The following SPATA22 variants were observed in gnomAD, a reference collection of about 807,000 sequenced individuals.
The protein encoded by SPATA22 is spermatogenesis associated 22.
SPATA22 carries 29 observed loss-of-function variants against 47.8 expected under a neutral mutation model. The observed-to-expected ratio is 0.61, with a 90% CI of 0.45 to 0.83. The LOEUF is 0.83. SPATA22 is among the 40% of genes least tolerant of loss of function. SPATA22 has a pLI of 0.00. For synonymous variants in SPATA22, 133 were observed against 140.9 expected (o/e 0.94, Z 0.40); for missense variants, 410 against 421.7 (o/e 0.97, Z 0.24).
chr17:3,458,936 TAAAG>T (rs1204409680), intron 5 of SPATA22, among the ~76,000 whole-genome samples: 1 of 143,368 alleles, frequency 7.0e-6, no homozygotes, highest in Admixed American at 7.0e-5. Flanking sequence ...AAATGTATCA[TAAAG>T]AGATAACGGA....
Position 3,440,319 on chromosome 17 carries a change from A to G in SPATA22, c.920T>C (p.Leu307Pro). Residue 307 changes from leucine (L) to proline (P), a missense_variant, in exon 9 of 9, where the codon CTG (leucine) becomes CCG (proline). By Grantham distance (98) the Leu-to-Pro change is moderately conservative (BLOSUM62 -3). Coordinates refer to ENST00000572969, the MANE Select transcript of SPATA22 (RefSeq NM_001170698.2). ...FYEIDRELPR[L>P]IRGRVHRCVG... ...ACATCTATGAACTCGGCCTCTAATC[A>G]GTCTCGGAAGTTCACGATCCTGTTT... 2 of 1,525,186 alleles carry G rather than the reference A, an allele frequency of 1.3e-6. No homozygotes were observed. Among genetic ancestry groups the G allele is most frequent in the Non-Finnish European group, 1.8e-6 (2 of 1,132,796 alleles). The allele number at this position is 1,525,186 out of a possible 1,614,324, so 94.5% of individuals were successfully genotyped here.
intron 6 of SPATA22, among the ~76,000 whole-genome samples, chr17:3,447,450 T>TGAC (rs955200025): frequency 1.1e-4 from 11 of 98,566 alleles, no homozygotes; most frequent in African/African-American, 3.1e-4. Context: ...TGCCTCCTGT[T>TGAC]GATGATGGCC....
chr17:3,449,182 T>A lies in SPATA22; in HGVS notation c.330-33A>T, dbSNP rs2072800279. ...AGTGCAAAAAAAAAGCATTTGTTTCTATATGGTTTCTTAATTACAAAAAAA... is the reference window on the plus strand; with the variant it reads ...AGTGCAAAAAAAAAGCATTTGTTTCAATATGGTTTCTTAATTACAAAAAAA... On this transcript the variant is annotated intron_variant, in intron 5 of 8. Transcript: ENST00000572969. The A allele has an allele frequency of 2.1e-6, 3 of 1,444,128 alleles. No individual in the cohort carries two copies. The East Asian group carries it at 7.0e-5, about 34-fold the overall frequency. 89.5% of individuals were successfully genotyped at this position (1,444,128 alleles called of 1,614,324 possible).
intron 1 of SPATA22, among the ~76,000 whole-genome samples, chr17:3,492,502 T>A (rs560781882): frequency 7.9e-5 from 12 of 152,222 alleles, no homozygotes; most frequent in Non-Finnish European, 1.2e-4. Context: ...CAGTGTGATG[T>A]TTCATATCCT....
chr17:3,448,987 A>G lies in SPATA22; in HGVS notation c.492T>C (p.Pro164=). ...CGGTTTCTTTGTTGCGAGATAAGTT[A>G]GGAGGTTCAGGTATTCTTAATTGTT... ...QQKQLRIPEP[P]NLSRNKETEL... is the part of the protein sequence containing the mutation. Residue 164 remains proline, a synonymous_variant, in exon 6 of 9, where the codon CCT becomes CCC. Transcript: ENST00000572969. 1 of 1,614,040 alleles carries G rather than the reference A, an allele frequency of 6.2e-7. No homozygotes were observed. Among genetic ancestry groups the G allele is most frequent in the East Asian group, 2.2e-5 (1 of 44,850 alleles).
chr17:3,513,041 A>G (rs190173726), intron 1 of SPATA22: 1 of 152,492 alleles, frequency 6.6e-6, no homozygotes, highest in African/African-American at 2.4e-5. Flanking sequence ...GCGGCGGCCC[A>G]GCAGGACTTG....
intron 5 of SPATA22, among the ~76,000 whole-genome samples, chr17:3,450,478 A>C (rs1281841608): frequency 6.6e-6 from 1 of 152,158 alleles, no homozygotes; most frequent in Admixed American, 6.5e-5. Flanking sequence ...CCTTTATAGA[A>C]ATTTTTTCCT....
At position 3,485,438 on chromosome 17, in the gene SPATA22, C is replaced by T. The variant is rs142959729; in HGVS notation, c.-73-16040G>A. 5.8e-4 allele frequency among the ~76,000 whole-genome samples: 89 copies of T among 152,200 alleles called. 2 individuals are homozygous for T. Among genetic ancestry groups the T allele is most frequent in the Middle Eastern group, 3.4e-3 (1 of 294 alleles). ...CCAACCAGGAGAATCGCTTGAACCC[C>T]GGAGGTGGAGGTTGCAGTGAGCCGA... On this transcript the variant is annotated intron_variant, in intron 1 of 8. Transcript: ENST00000541913. This position sits in a 1 kb window ranked among gnomAD's most constrained non-coding sequence, Gnocchi z 4.4.
chr17:3,476,408 T>G (rs1331166050), upstream of SPATA22: 4 of 1,609,240 alleles, frequency 2.5e-6, no homozygotes, highest in Non-Finnish European at 3.4e-6. Context: ...AAGACTATGC[T>G]TTGTATTGTA....
At chr17:3,489,280 T>C in intron 1 of SPATA22, 1 of 1,613,346 alleles carries the variant, frequency 6.2e-7, no homozygotes, top group Non-Finnish European at 8.5e-7. Flanking sequence ...AGAGCTGATA[T>C]CTTGGATCAA....
At chr17:3,461,988 C>G (rs557813352) in intron 5 of SPATA22, among the ~76,000 whole-genome samples, 35 of 152,174 alleles carry the variant, frequency 2.3e-4, no homozygotes, top group Admixed American at 7.2e-4. Flanking sequence ...TTTTGACCAG[C>G]TTCTTCATTT....
intron 1 of SPATA22, among the ~76,000 whole-genome samples, chr17:3,480,473 G>A (rs868566305): frequency 2.6e-5 from 4 of 152,182 alleles, no homozygotes; most frequent in Non-Finnish European, 5.9e-5. Context: ...CAGTTCCTAC[G>A]TGGGGACCAC....
chr17:3,483,997 T>C (rs536013905), intron 1 of SPATA22, among the ~76,000 whole-genome samples: 1 of 152,196 alleles, frequency 6.6e-6, no homozygotes, highest in Non-Finnish European at 1.5e-5. Flanking sequence ...CTACCTTCCA[T>C]ATCCTTAGGC....
At chr17:3,489,952 T>C (rs897549087) in intron 1 of SPATA22, among the ~76,000 whole-genome samples, 1 of 152,240 alleles carries the variant, frequency 6.6e-6, no homozygotes, top group East Asian at 1.9e-4. Context: ...AGCATGAATG[T>C]CCACCTGTTG....
rs377671042 is a variant in SPATA22, at chr17:3,469,244, G to T, written c.43+39C>A. The T allele has an allele frequency of 3.1e-5, 28 of 910,364 alleles. No individual in the cohort carries two copies. In the African/African-American group the frequency reaches 4.1e-4, roughly 13 times the overall value. The allele number at this position is 910,364 out of a possible 1,614,324, so 56.4% of individuals were successfully genotyped here. The stretch of plus-strand genomic sequence containing the variant: ...TCTATAAACTATACAAGCTTTATAT[G>T]CTATACAGAAAATTTAAAAATAAAA... On this transcript the variant is annotated intron_variant, in intron 2 of 8. Transcript: ENST00000572969.
At chr17:3,449,198 T>TA in intron 5 of SPATA22, 49 bp from the exon 6 acceptor site, 1 of 1,332,738 alleles carries the variant, frequency 7.5e-7, no homozygotes, top group Non-Finnish European at 1.0e-6. Context: ...GTTTCTTAAT[T>TA]ACAAAAAAAA....
At chr17:3,512,594 C>T (rs1376153696) in intron 1 of SPATA22, 1 of 151,958 alleles carries the variant, frequency 6.6e-6, no homozygotes, top group Non-Finnish European at 1.5e-5. Flanking sequence ...TACATGAATC[C>T]TTTCACCAGA....
chr17:3,471,774 G>A lies in SPATA22; in HGVS notation c.-166C>T, dbSNP rs752159395. 3.7e-4 allele frequency: 363 copies of A among 985,496 alleles called. 1 individual carries two copies. Among genetic ancestry groups the A allele is most frequent in the Middle Eastern group, 2.1e-3 (4 of 1,936 alleles). 61.0% of individuals were successfully genotyped at this position (985,496 alleles called of 1,614,324 possible). A position where few individuals can be genotyped will look rare whatever the true frequency, so the allele number is the denominator to read the frequency against. Reference sequence around the variant, plus strand: ...CGTCAACCGTCGTCCAGGCGGCCCCGTCAGCAACCGCCGCCCTTCCCGCCC... The same window carrying A: ...CGTCAACCGTCGTCCAGGCGGCCCCATCAGCAACCGCCGCCCTTCCCGCCC... On this transcript the variant is annotated 5_prime_UTR_variant, in exon 1 of 9. The change creates a new upstream start codon in the 5' untranslated region. Transcript: ENST00000572969.
Position 3,471,401 on chromosome 17 carries a change from T to C in SPATA22, c.-74+281A>G, listed in dbSNP as rs145316936. On this transcript the variant is annotated intron_variant, in intron 1 of 8. Transcript: ENST00000572969. ...GTGTAACATTCCACCCGCGGGACCATTGATCCTGAGGGCGGGGACCCTCAT... is the reference window on the plus strand; with the variant it reads ...GTGTAACATTCCACCCGCGGGACCACTGATCCTGAGGGCGGGGACCCTCAT... 5.2e-5 allele frequency: 51 copies of C among 984,356 alleles called. No homozygotes were observed. In the African/African-American group the frequency reaches 7.3e-4, roughly 14 times the overall value. 61.0% of individuals were successfully genotyped at this position (984,356 alleles called of 1,614,324 possible). A position where few individuals can be genotyped will look rare whatever the true frequency, so the allele number is the denominator to read the frequency against.
Sources: gnomAD v4.1 joint callset for allele counts (sites outside exome capture counted in the v4.1 genomes callset) on GRCh38, gnomAD v4.1.1 for gene constraint, Gnocchi (gnomAD v3.1) non-coding constraint, MANE v1.5 for transcripts, NCBI Gene and HGNC (gene_info 2026-07-23, HGNC 2026-07-21) for gene names.